The following SASH1 variants were observed in gnomAD, a reference collection of about 807,000 sequenced individuals.
The protein encoded by SASH1 is SAM and SH3 domain containing 1.
SASH1 carries 44 observed loss-of-function variants against 125.2 expected under a neutral mutation model. The ratio of observed to expected loss-of-function variants is 0.35; its 90% CI spans 0.28 to 0.45. The LOEUF is 0.45. SASH1 is among the 20% of genes least tolerant of loss of function. SASH1 has a pLI of 1.00. For synonymous variants in SASH1, 639 were observed against 649.1 expected (o/e 0.98, Z 0.24); for missense variants, 1,426 against 1,614.5 (o/e 0.88, Z 2.00).
the SASH1 span, among the ~76,000 whole-genome samples, chr6:148,217,569 G>A: frequency 6.6e-6 from 1 of 152,090 alleles, no homozygotes. Flanking sequence ...TTCAAACGCA[G>A]GTCCTCCTAA....
At chr6:148,527,251 C>T (rs998174689) in intron 11 of SASH1, 18 of 472,368 alleles carry the variant, frequency 3.8e-5, no homozygotes, top group Middle Eastern at 1.0e-3. Context: ...ACTCACATCC[C>T]ACTTTAAGCA....
At chr6:148,307,908 T>C (rs1262493417) in intron 1 of SASH1, among the ~76,000 whole-genome samples, 1 of 152,108 alleles carries the variant, frequency 6.6e-6, no homozygotes, top group Non-Finnish European at 1.5e-5. Context: ...TGACTCTGAA[T>C]GGTCAAGATG....
chr6:148,405,697 C>T (rs1784345819), intron 2 of SASH1, among the ~76,000 whole-genome samples: 1 of 152,052 alleles, frequency 6.6e-6, no homozygotes, highest in Non-Finnish European at 1.5e-5. Context: ...AGTAATGACT[C>T]TAGGCTGAGG....
At chr6:148,223,326 G>T in the SASH1 span, among the ~76,000 whole-genome samples, 1 of 152,212 alleles carries the variant, frequency 6.6e-6, no homozygotes, top group Non-Finnish European at 1.5e-5. Context: ...AAAGTTCTTA[G>T]AACAGTGCTT....
intron 1 of SASH1, among the ~76,000 whole-genome samples, chr6:148,348,867 C>T (rs564600290): frequency 2.2e-4 from 33 of 152,362 alleles, no homozygotes; most frequent in Admixed American, 1.6e-3. Flanking sequence ...CTCAGCCCCA[C>T]GGTCGCTGAG....
intron 1 of SASH1, among the ~76,000 whole-genome samples, chr6:148,293,628 G>A (rs1779691903): frequency 6.6e-6 from 1 of 152,070 alleles, no homozygotes; most frequent in Admixed American, 6.6e-5. Flanking sequence ...GAGGGGAATT[G>A]GAGAAATCTT....
At chr6:148,273,776 G>A (rs1176686190) in intron 1 of SASH1, among the ~76,000 whole-genome samples, 2 of 152,208 alleles carry the variant, frequency 1.3e-5, no homozygotes, top group East Asian at 1.9e-4. Context: ...GCAAGTTGAG[G>A]CCTCTCAGGT....
chr6:148,413,178 T>A lies in SASH1; in HGVS notation c.285+22916T>A, dbSNP rs115680015. On this transcript the variant is annotated intron_variant, in intron 2 of 19. Transcript: ENST00000367467. ...TAGGTTCCATCCATAATGTGGAAGC[T>A]TTAAATGCCAGTTTAATAGTTTGAC... Among the ~76,000 whole-genome samples, 344 of 152,328 alleles carry A rather than the reference T, an allele frequency of 2.3e-3. 1 individual carries two copies. The highest frequency in any genetic ancestry group is 7.9e-3 in the African/African-American group (330 of 41,568).
intron 2 of SASH1, among the ~76,000 whole-genome samples, chr6:148,398,425 G>A (rs1784041225): frequency 2.0e-5 from 3 of 152,158 alleles, no homozygotes; most frequent in African/African-American, 7.2e-5. Context: ...ATGGGAAACA[G>A]GTTTCCTGTT....
At chr6:148,456,729 G>T (rs542305967) in intron 4 of SASH1, among the ~76,000 whole-genome samples, 2 of 152,004 alleles carry the variant, frequency 1.3e-5, no homozygotes, top group African/African-American at 4.8e-5. Context: ...GGACATGGTG[G>T]TGCGCGCCTG....
the SASH1 span, among the ~76,000 whole-genome samples, chr6:148,203,279 A>G: frequency 6.6e-6 from 1 of 152,176 alleles, no homozygotes; most frequent in African/African-American, 2.4e-5. Flanking sequence ...TGCTGTCACC[A>G]TTATGAGAAT....
chr6:148,272,659 CT>C (rs1293916249), intron 1 of SASH1, among the ~76,000 whole-genome samples: 1 of 152,108 alleles, frequency 6.6e-6, no homozygotes, highest in Non-Finnish European at 1.5e-5. Context: ...CCCCAAGACT[CT>C]AAAAAAGGTT....
At chr6:148,455,629 G>A (rs1302857594) in intron 4 of SASH1, among the ~76,000 whole-genome samples, 1 of 152,172 alleles carries the variant, frequency 6.6e-6, no homozygotes, top group Non-Finnish European at 1.5e-5. Flanking sequence ...TTAAAAATGA[G>A]ATCTGAGAAG....
intron 15 of SASH1, 61 bp downstream of exon 15, chr6:148,534,041 T>A: frequency 6.6e-7 from 1 of 1,505,960 alleles, no homozygotes; most frequent in Non-Finnish European, 9.2e-7. Context: ...TCTCCTACAC[T>A]AAGCAAGTGA....
Position 148,546,054 on chromosome 6 carries a change from T to C in SASH1, c.3388T>C (p.Tyr1130His). 2 of 1,614,236 alleles carry C rather than the reference T, an allele frequency of 1.2e-6. No individual in the cohort carries two copies. The highest frequency in any genetic ancestry group is 1.7e-6 in the Non-Finnish European group (2 of 1,180,040). Reference sequence around the variant, plus strand: ...GATTCCTGAAGCCCTGGTGCAGAGATACGCAGAGGACTTGGATCAGCCCGA... The same window carrying C: ...GATTCCTGAAGCCCTGGTGCAGAGACACGCAGAGGACTTGGATCAGCCCGA... ...CGIPEALVQR[Y>H]AEDLDQPERD... is the part of the protein sequence containing the mutation. The change falls in exon 19 of 20, where the codon TAC becomes CAC. Residue 1130 changes from tyrosine to histidine, a missense_variant. By Grantham distance (83) the Tyr-to-His change is moderately conservative. Around this residue, in one of 3 missense-constraint regions of SASH1, gnomAD observed 634 missense variants for 694.4 expected, o/e 0.91. Coordinates refer to ENST00000367467, the MANE Select transcript of SASH1 (RefSeq NM_015278.5).
chr6:148,401,854 AG>A (rs1480309933), intron 2 of SASH1, among the ~76,000 whole-genome samples: 1 of 152,152 alleles, frequency 6.6e-6, no homozygotes, highest in Non-Finnish European at 1.5e-5. Flanking sequence ...AGATGCCAAA[AG>A]GAAGACAGAT....
intron 1 of SASH1, among the ~76,000 whole-genome samples, chr6:148,321,321 C>G (rs1780627970): frequency 6.7e-6 from 1 of 149,992 alleles, no homozygotes; most frequent in Non-Finnish European, 1.5e-5. Context: ...AACCCAGAGA[C>G]AGAGGTTGCA....
At chr6:148,435,953 ATGT>A (rs1467386071) in intron 2 of SASH1, among the ~76,000 whole-genome samples, 8 of 152,212 alleles carry the variant, frequency 5.3e-5, no homozygotes, top group Admixed American at 4.6e-4. Context: ...ACTTGAGTAA[ATGT>A]TGTAAAAGCC....
At chr6:148,319,968 A>AT (rs1780597564) in intron 1 of SASH1, among the ~76,000 whole-genome samples, 1 of 152,198 alleles carries the variant, frequency 6.6e-6, no homozygotes, top group Non-Finnish European at 1.5e-5. Context: ...CAGTTATCAG[A>AT]TTGACTATCA....
Sources: gnomAD v4.1 joint callset for allele counts (sites outside exome capture counted in the v4.1 genomes callset) on GRCh38, gnomAD v4.1.1 for gene constraint, gnomAD v4.1.1 regional missense constraint, MANE v1.5 for transcripts, NCBI Gene and HGNC (gene_info 2026-07-23, HGNC 2026-07-21) for gene names.